Variants in KRT81 observed in about 807,000 individuals in gnomAD.
KRT81 encodes the protein keratin, type II cuticular Hb1.
KRT81 carries 35 observed loss-of-function variants against 35.8 expected under a neutral mutation model. The observed-to-expected ratio is 0.98, with a 90% CI of 0.75 to 1.30. The LOEUF (loss-of-function observed/expected upper bound fraction) is 1.30, where lower values mean the gene tolerates loss of function less well. Among genes scored for constraint, KRT81 ranks in the 50% most tolerant of loss-of-function variants. The pLI, the probability that KRT81 is intolerant of heterozygous loss-of-function variation, is 0.00. For synonymous variants in KRT81, 249 were observed against 251.2 expected (o/e 0.99, Z 0.08); for missense variants, 531 against 577.4 (o/e 0.92, Z 0.82).
intron 5 of KRT81, 118 bp downstream of exon 5, chr12:52,287,866 G>A: frequency 3.1e-6 from 5 of 1,601,826 alleles, no homozygotes; most frequent in Non-Finnish European, 4.3e-6. Flanking sequence ...CCTCAGATTG[G>A]CAGCCCTCTC....
chr12:52,287,176 C>T lies in KRT81; in HGVS notation c.1173G>A (p.Glu391=). 1 of 1,613,798 alleles carries T rather than the reference C, an allele frequency of 6.2e-7. No homozygotes were observed. The stretch of plus-strand genomic sequence containing the variant: ...CCAGGCCCAGCTTGGAGTTCATCAC[C>T]TCCTGGTACTCCCTGATCAGGCAGG... ...DMACLIREYQ[E]VMNSKLGLDI... The change falls in exon 7 of 9, where the codon GAG becomes GAA. Residue 391 remains glutamate (E), a synonymous_variant. Coordinates refer to ENST00000327741, the MANE Select transcript of KRT81 (RefSeq NM_002281.4).
Position 52,287,956 on chromosome 12 carries a change from T to C in KRT81, c.900+28A>G, listed in dbSNP as rs762015881. On this transcript the variant is annotated intron_variant, in intron 5 of 8. Coordinates refer to ENST00000327741, the MANE Select transcript of KRT81 (RefSeq NM_002281.4). ...CTCACATCCCTCCCACTGACACGTCTAGCAGGCAGGTGTCCTGTGCCACTC... is the reference window on the plus strand; with the variant it reads ...CTCACATCCCTCCCACTGACACGTCCAGCAGGCAGGTGTCCTGTGCCACTC... 3.1e-6 allele frequency: 5 copies of C among 1,614,024 alleles called. No individual in the cohort carries two copies. The African/African-American group carries it at 6.7e-5, about 22-fold the overall frequency.
chr12:52,286,794 C>T lies in KRT81; in HGVS notation c.1276G>A (p.Val426Ile), dbSNP rs748130319. ...RLCEGIGAVN[V>I]CVSSSRGGVV... Reference sequence around the variant, plus strand: ...ACACTGGACCCCAAATACTCACAGACATTCACAGCCCCAATGCCTTCACAT... The same window carrying T: ...ACACTGGACCCCAAATACTCACAGATATTCACAGCCCCAATGCCTTCACAT... The change falls in exon 8 of 9, where the codon GTC becomes ATC. Residue 426 changes from valine to isoleucine, a missense_variant. Transcript: ENST00000327741. The T allele has an allele frequency of 8.7e-6, 14 of 1,614,058 alleles. 1 individual carries two copies. The South Asian group carries it at 1.5e-4, about 18-fold the overall frequency.
Position 52,288,433 on chromosome 12 carries a change from G to T in KRT81, c.663C>A (p.Arg221=). 6.2e-7 allele frequency: 1 copy of T among 1,614,162 alleles called. No individual in the cohort carries two copies. The change falls in exon 4 of 9, where the codon CGC becomes CGA. Residue 221 remains arginine, a synonymous_variant. Transcript: ENST00000327741. Reference sequence around the variant, plus strand: ...CCACGTTGGCCTCCAGGTCTGACTTGCGGAGGTAGGCGCAGTCCACATCCT... The same window carrying T: ...CCACGTTGGCCTCCAGGTCTGACTTTCGGAGGTAGGCGCAGTCCACATCCT... ...LKKDVDCAYL[R]KSDLEANVEA...
chr12:52,288,675 C>T (rs1168839569), intron 3 of KRT81, among the ~76,000 whole-genome samples: 1 of 152,104 alleles, frequency 6.6e-6, no homozygotes, highest in African/African-American at 2.4e-5. Flanking sequence ...CAGCCTTTCA[C>T]CCCTCCTTGC....
chr12:52,291,369 G>A lies in KRT81; in HGVS notation c.97C>T (p.Arg33Cys), dbSNP rs1219930482. 1.2e-6 allele frequency: 2 copies of A among 1,601,860 alleles called. No homozygotes were observed. Among genetic ancestry groups the A allele is most frequent in the Non-Finnish European group, 1.7e-6 (2 of 1,174,892 alleles). ...GRCCITAAPY[R>C]GISCYRGLTG... Reference sequence around the variant, plus strand: ...AGGCCGCGGTAGCAGGAGATGCCACGGTAGGGGGCGGCGGTGATGCAGCAG... The same window carrying A: ...AGGCCGCGGTAGCAGGAGATGCCACAGTAGGGGGCGGCGGTGATGCAGCAG... Residue 33 changes from arginine (R) to cysteine (C), a missense_variant, in exon 1 of 9, where the codon CGT becomes TGT. Transcript: ENST00000327741.
In KRT81 at chr12:52,288,050, A is replaced by T. The variant is rs779043874; in HGVS notation, c.834T>A (p.Ile278=). 1.9e-6 allele frequency: 3 copies of T among 1,613,994 alleles called. No individual in the cohort carries two copies. Among genetic ancestry groups the T allele is most frequent in the Admixed American group, 3.3e-5 (2 of 59,996 alleles). Residue 278 remains isoleucine (I), a synonymous_variant, in exon 5 of 9, where the codon ATT becomes ATA. Coordinates refer to ENST00000327741, the MANE Select transcript of KRT81 (RefSeq NM_002281.4). ...TGACAATGTCGTCATACTGTGCCTT[A>T]ATCTCGGCAATGATGCAGTCCATGT... ...DLNMDCIIAE[I]KAQYDDIVTR...
chr12:52,291,517 C>T lies in KRT81; in HGVS notation c.-52G>A, dbSNP rs750743058. On this transcript the variant is annotated 5_prime_UTR_variant, in exon 1 of 9. Coordinates refer to ENST00000327741, the MANE Select transcript of KRT81 (RefSeq NM_002281.4). ...AGGACAGGATAGGGGACCTGGAGTC[C>T]TGATGGAAACTCCAATGTGCTCCTC... The T allele has an allele frequency of 1.7e-5, 27 of 1,604,490 alleles. No individual in the cohort carries two copies. In the East Asian group the frequency reaches 6.1e-4, roughly 36 times the overall value.
At position 52,288,035 on chromosome 12, in the gene KRT81, G is replaced by T; in HGVS notation, c.849C>A (p.Asp283Glu). Residue 283 changes from aspartate (D) to glutamate (E), a missense_variant, in exon 5 of 9, where the codon GAC becomes GAA. Asp to Glu is a conservative substitution (Grantham distance 45, BLOSUM62 2). Coordinates refer to ENST00000327741, the MANE Select transcript of KRT81 (RefSeq NM_002281.4). ...CGGCCCGGCTGCGGGTGACAATGTCGTCATACTGTGCCTTAATCTCGGCAA... is the reference window on the plus strand; with the variant it reads ...CGGCCCGGCTGCGGGTGACAATGTCTTCATACTGTGCCTTAATCTCGGCAA... ...CIIAEIKAQY[D>E]DIVTRSRAEA... 6.2e-7 allele frequency: 1 copy of T among 1,614,202 alleles called. No homozygotes were observed. Among genetic ancestry groups the T allele is most frequent in the Non-Finnish European group, 8.5e-7 (1 of 1,180,040 alleles).
chr12:52,286,787 T>G lies in KRT81; in HGVS notation c.1279+4A>C. 3 of 1,613,786 alleles carry G rather than the reference T, an allele frequency of 1.9e-6. No individual in the cohort carries two copies. The highest frequency in any genetic ancestry group is 2.5e-6 in the Non-Finnish European group (3 of 1,179,860). ...TCTGTCCACACTGGACCCCAAATAC[T>G]CACAGACATTCACAGCCCCAATGCC... On this transcript the variant is annotated splice_donor_region_variant and intron_variant, in intron 8 of 8. Transcript: ENST00000327741.
rs747678355 is a variant in KRT81, at chr12:52,287,303, G to A, written c.1046C>T (p.Ala349Val). ...ACCCTGCTGCTCAGACTGGGCCACC[G>A]CGGCCTCCAGCTTGGAGTTCTGAAG... ...AKCQNSKLEAAVAQSEQQGEA... is the reference protein window; with the variant it reads ...AKCQNSKLEAVVAQSEQQGEA... Residue 349 changes from alanine (A) to valine (V), a missense_variant, in exon 7 of 9, where the codon GCG becomes GTG. Ala to Val is a moderately conservative substitution (Grantham distance 64). This residue lies in a region of KRT81 where 49 missense variants were observed against 87.8 expected (regional missense o/e 0.56). Coordinates refer to ENST00000327741, the MANE Select transcript of KRT81 (RefSeq NM_002281.4). 26 of 1,613,902 alleles carry A rather than the reference G, an allele frequency of 1.6e-5. No homozygotes were observed. The highest frequency in any genetic ancestry group is 1.7e-4 in the Middle Eastern group (1 of 6,044).
Position 52,287,737 on chromosome 12 carries a change from A to T in KRT81, c.901-16T>A, listed in dbSNP as rs763542678. On this transcript the variant is annotated splice_polypyrimidine_tract_variant and intron_variant, in intron 5 of 8. Transcript: ENST00000327741. ...TCTCCTCACACTGGGGGAAGTAGAG[A>T]TGCTCATGAGGTTCAGGGTGGGACC... The T allele has an allele frequency of 6.2e-7, 1 of 1,614,002 alleles. No homozygotes were observed. Among genetic ancestry groups the T allele is most frequent in the South Asian group, 1.1e-5 (1 of 91,072 alleles).
At position 52,286,531 on chromosome 12, in the gene KRT81, C is replaced by A. The variant is rs372034247; in HGVS notation, c.1280-38G>T. On this transcript the variant is annotated intron_variant, in intron 8 of 8. Transcript: ENST00000327741. ...AAGGCTGAGTCAAAATTCTGAAGGG[C>A]AAGCCATCCTGCCTTCCTGACAACC... 1,599 of 1,542,816 alleles carry A rather than the reference C, an allele frequency of 1.0e-3. 1 individual carries two copies. Among genetic ancestry groups the A allele is most frequent in the Non-Finnish European group, 1.3e-3 (1,497 of 1,139,778 alleles).
In KRT81 at chr12:52,288,556, C is replaced by G. The variant is rs1938040878; in HGVS notation, c.640-100G>C. 3 of 1,373,412 alleles carry G rather than the reference C, an allele frequency of 2.2e-6. No homozygotes were observed. In the African/African-American group the frequency reaches 4.3e-5, roughly 20 times the overall value. 85.1% of individuals were successfully genotyped at this position (1,373,412 alleles called of 1,614,324 possible). ...TTCCATGTAGCCAGGGGAAAGCAGT[C>G]CCTGGTGTCCCATTCCCATGCCTTT... On this transcript the variant is annotated intron_variant, in intron 3 of 8. Coordinates refer to ENST00000327741, the MANE Select transcript of KRT81 (RefSeq NM_002281.4).
chr12:52,286,971 C>A (rs1016878787), intron 7 of KRT81, 131 bp downstream of exon 7: 3 of 1,558,864 alleles, frequency 1.9e-6, no homozygotes, highest in Non-Finnish European at 1.8e-6. Flanking sequence ...CACACCAGCC[C>A]TCCCCACACC....
intron 3 of KRT81, among the ~76,000 whole-genome samples, chr12:52,288,661 T>G (rs903458588): frequency 5.3e-5 from 8 of 152,070 alleles, no homozygotes; most frequent in African/African-American, 1.9e-4. Context: ...TGACCATGCC[T>G]CACCAGCCTT....
At chr12:52,287,786 G>A in intron 5 of KRT81, 65 bp from the exon 6 acceptor site, 1 of 1,613,758 alleles carries the variant, frequency 6.2e-7, no homozygotes, top group Non-Finnish European at 8.5e-7. Flanking sequence ...GGACACCACA[G>A]ATGATTTTGC....
Position 52,287,704 on chromosome 12 carries a change from G to T in KRT81, c.918C>A (p.Ala306=), listed in dbSNP as rs1842292147. The T allele has an allele frequency of 3.1e-6, 5 of 1,613,882 alleles. No individual in the cohort carries two copies. Among genetic ancestry groups the T allele is most frequent in the Non-Finnish European group, 4.2e-6 (5 of 1,179,934 alleles). ...WYRSKCEEMK[A]TVIRHGETLR... ...GGGTCTCCCCGTGCCTGATCACCGT[G>T]GCCTTCATCTCCTCACACTGGGGGA... Residue 306 remains alanine (A), a synonymous_variant, in exon 6 of 9, where the codon GCC becomes GCA. Coordinates refer to ENST00000327741, the MANE Select transcript of KRT81 (RefSeq NM_002281.4).
At chr12:52,288,512 T>A in intron 3 of KRT81, 56 bp from the exon 4 acceptor site, 1 of 1,595,674 alleles carries the variant, frequency 6.3e-7, no homozygotes. Flanking sequence ...GCCCCCAGAC[T>A]CCTCTCTCTG....
Sources: gnomAD v4.1 joint callset for allele counts (sites outside exome capture counted in the v4.1 genomes callset) on GRCh38, gnomAD v4.1.1 for gene constraint, gnomAD v4.1.1 regional missense constraint, MANE v1.5 for transcripts, NCBI Gene and HGNC (gene_info 2026-07-23, HGNC 2026-07-21) for gene names.